The following VPS13A variants were observed in gnomAD, a reference collection of about 807,000 sequenced individuals.
VPS13A encodes vacuolar protein sorting 13 homolog A.
A neutral mutation model predicts 390.9 loss-of-function variants in VPS13A; 264 were observed. The ratio of observed to expected loss-of-function variants is 0.68; its 90% CI spans 0.61 to 0.75. The LOEUF (loss-of-function observed/expected upper bound fraction) is 0.75. VPS13A is among the 30% of genes least tolerant of loss of function. The probability of loss-of-function intolerance (pLI) is 0.00; values close to 1 mark genes in which losing one functional copy is unlikely to be tolerated. For missense variants in VPS13A, 3,409 were observed against 3,733.9 expected (o/e 0.91, Z 2.27); for synonymous variants, 1,231 against 1,227.1 (o/e 1.00, Z -0.07).
At chr9:77,259,200 A>T (rs1013299683) in intron 22 of VPS13A, among the ~76,000 whole-genome samples, 4 of 152,188 alleles carry the variant, frequency 2.6e-5, no homozygotes, top group African/African-American at 9.7e-5. Flanking sequence ...GAGCTGCGTT[A>T]AGTTGAAGGC....
rs759455987 is a variant in VPS13A at position 77,315,439 on chromosome 9, C to G, written c.4599C>G (p.Thr1533=). The change falls in exon 38 of 72, where the codon ACC becomes ACG. Residue 1533 remains threonine (T), a synonymous_variant. Transcript: ENST00000360280. ...EAYTTGTAVE[T]SVQTWTAKEE... is the part of the protein sequence containing the mutation. ...ACACCACAGGCACTGCTGTAGAAAC[C>G]AGTGTGCAAACATGGACTGCTAAGG... The G allele has an allele frequency of 1.9e-6, 3 of 1,613,794 alleles. No individual in the cohort carries two copies. In the African/African-American group the frequency reaches 4.0e-5, roughly 22 times the overall value.
intron 21 of VPS13A, among the ~76,000 whole-genome samples, chr9:77,250,886 C>T (rs1825116459): frequency 6.6e-6 from 1 of 152,164 alleles, no homozygotes. Flanking sequence ...GCTTTCTTTT[C>T]GTTCTGTCAT....
At chr9:77,309,144 C>T (rs965758125) in intron 35 of VPS13A, among the ~76,000 whole-genome samples, 1 of 152,120 alleles carries the variant, frequency 6.6e-6, no homozygotes, top group African/African-American at 2.4e-5. Flanking sequence ...TGGATCCCAC[C>T]ACCACCAGCT....
intron 67 of VPS13A, among the ~76,000 whole-genome samples, chr9:77,376,779 A>G (rs1833102781): frequency 6.6e-6 from 1 of 152,228 alleles, no homozygotes; most frequent in African/African-American, 2.4e-5. Flanking sequence ...TTGTGAGCCT[A>G]TAATAAGGTA....
At chr9:77,210,525 G>A in intron 6 of VPS13A, 91 bp from the exon 7 acceptor site, 1 of 1,259,570 alleles carries the variant, frequency 7.9e-7, no homozygotes, top group African/African-American at 1.5e-5. Context: ...ATTACAGATG[G>A]GAGCCGCTGC....
At chr9:77,259,532 TTCTC>T (rs772216592) in intron 22 of VPS13A, among the ~76,000 whole-genome samples, 3 of 151,510 alleles carry the variant, frequency 2.0e-5, no homozygotes, top group Non-Finnish European at 2.9e-5. Flanking sequence ...AGTGAAAACT[TTCTC>T]TCTCTCTCTC....
At chr9:77,180,156 T>C (rs1239655464) in intron 1 of VPS13A, among the ~76,000 whole-genome samples, 2 of 152,080 alleles carry the variant, frequency 1.3e-5, no homozygotes, top group African/African-American at 4.8e-5. Flanking sequence ...CTTTTGGATA[T>C]TATGAATAAT....
intron 17 of VPS13A, among the ~76,000 whole-genome samples, chr9:77,234,788 T>A (rs1417616792): frequency 6.6e-6 from 1 of 152,184 alleles, no homozygotes; most frequent in Non-Finnish European, 1.5e-5. Context: ...GGGGGATATA[T>A]TTTTATTTCT....
chr9:77,371,089 T>C lies in VPS13A; in HGVS notation c.9017T>C (p.Val3006Ala). 1 of 1,614,096 alleles carries C rather than the reference T, an allele frequency of 6.2e-7. No homozygotes were observed. Among genetic ancestry groups the C allele is most frequent in the Non-Finnish European group, 8.5e-7 (1 of 1,179,982 alleles). ...KGVGKGLVGA[V>A]ARPTGGIIDM... The stretch of plus-strand genomic sequence containing the variant: ...GTTGGGAAAGGTTTAGTAGGAGCGG[T>C]AGCAAGGCCAACTGGAGGCATCATA... The change falls in exon 67 of 72, where the codon GTA becomes GCA. Residue 3006 changes from valine (V) to alanine (A), a missense_variant. By Grantham distance (64) the Val-to-Ala change is moderately conservative. Coordinates refer to ENST00000360280, the MANE Select transcript of VPS13A (RefSeq NM_033305.3).
intron 25 of VPS13A, 29 bp downstream of exon 25, chr9:77,275,681 T>G: frequency 6.2e-7 from 1 of 1,605,458 alleles, no homozygotes; most frequent in Non-Finnish European, 8.5e-7. Context: ...TTAACATGGC[T>G]TAATTTGTTT....
chr9:77,365,589 T>C lies in VPS13A; in HGVS notation c.8325+16T>C. 1 of 1,506,818 alleles carries C rather than the reference T, an allele frequency of 6.6e-7. No homozygotes were observed. Among genetic ancestry groups the C allele is most frequent in the African/African-American group, 1.4e-5 (1 of 72,828 alleles). 93.3% of individuals were successfully genotyped at this position (1,506,818 alleles called of 1,614,324 possible). On this transcript the variant is annotated intron_variant, in intron 60 of 71. Transcript: ENST00000360280. ...TCCTATCAAGGTAGGAGAAAGTCATTTTTATTGTCCTTGATAATCTAGGTA... is the reference window on the plus strand; with the variant it reads ...TCCTATCAAGGTAGGAGAAAGTCATCTTTATTGTCCTTGATAATCTAGGTA...
intron 26 of VPS13A, among the ~76,000 whole-genome samples, chr9:77,276,429 GAAAA>G (rs1403567496): frequency 2.0e-5 from 3 of 152,136 alleles, no homozygotes; most frequent in African/African-American, 7.2e-5. Context: ...ATTCATTATG[GAAAA>G]TCAGATGATA....
chr9:77,279,225 T>G (rs981989154), intron 26 of VPS13A, among the ~76,000 whole-genome samples: 7 of 152,042 alleles, frequency 4.6e-5, no homozygotes, highest in Non-Finnish European at 1.0e-4. Flanking sequence ...GTGGTGGAGG[T>G]GGCTCTCAGC....
chr9:77,287,154 A>G lies in VPS13A; in HGVS notation c.3339+3504A>G, dbSNP rs763817974. Among the ~76,000 whole-genome samples the G allele has an allele frequency of 8.0e-4, 118 of 148,340 alleles. 1 individual carries two copies. Among genetic ancestry groups the G allele is most frequent in the Non-Finnish European group, 1.1e-3 (74 of 67,266 alleles). On this transcript the variant is annotated intron_variant, in intron 31 of 71. Coordinates refer to ENST00000360280, the MANE Select transcript of VPS13A (RefSeq NM_033305.3). ...ATATGTAAATTATATATGTATAAATACTGGTAAATAAATTAAGAAAAAACT... is the reference window on the plus strand; with the variant it reads ...ATATGTAAATTATATATGTATAAATGCTGGTAAATAAATTAAGAAAAAACT...
In VPS13A at chr9:77,419,296, C is replaced by T. The variant is rs530564612; in HGVS notation, c.*3290C>T. ...CGTGAAATAATAAAAAATAGAGGAACAATAGAGCATATAAAATGGTTAAGT... is the reference window on the plus strand; with the variant it reads ...CGTGAAATAATAAAAAATAGAGGAATAATAGAGCATATAAAATGGTTAAGT... On this transcript the variant is annotated 3_prime_UTR_variant, in exon 72 of 72. Transcript: ENST00000360280. 1 of 152,220 alleles carries T rather than the reference C, an allele frequency of 6.6e-6. No homozygotes were observed. The highest frequency in any genetic ancestry group is 2.1e-4 in the South Asian group (1 of 4,828). 9.4% of individuals were successfully genotyped at this position (152,220 alleles called of 1,614,324 possible).
intron 68 of VPS13A, among the ~76,000 whole-genome samples, chr9:77,402,681 A>G (rs1251991437): frequency 6.6e-6 from 1 of 152,204 alleles, no homozygotes; most frequent in African/African-American, 2.4e-5. Context: ...CAGTGTTTCA[A>G]CAGTCTTGAA....
intron 71 of VPS13A, among the ~76,000 whole-genome samples, chr9:77,410,468 G>C (rs1357864441): frequency 6.6e-6 from 1 of 152,100 alleles, no homozygotes; most frequent in African/African-American, 2.4e-5. Context: ...ATGTAAATGG[G>C]CTAAATATTC....
intron 22 of VPS13A, among the ~76,000 whole-genome samples, chr9:77,253,741 T>G (rs929779388): frequency 2.0e-5 from 3 of 152,162 alleles, no homozygotes; most frequent in Admixed American, 2.0e-4. Context: ...TTTAAAATTT[T>G]TATTGTCCAG....
At chr9:77,312,357 G>T (rs1829128909) in intron 35 of VPS13A, among the ~76,000 whole-genome samples, 1 of 151,782 alleles carries the variant, frequency 6.6e-6, no homozygotes, top group South Asian at 2.1e-4. Flanking sequence ...ATGACCAAAA[G>T]ATTTGGATAC....
Sources: gnomAD v4.1 joint callset for allele counts (sites outside exome capture counted in the v4.1 genomes callset) on GRCh38, gnomAD v4.1.1 for gene constraint, MANE v1.5 for transcripts, NCBI Gene and HGNC (gene_info 2026-07-23, HGNC 2026-07-21) for gene names.